The following NRDC variants were observed in gnomAD, a reference collection of about 807,000 sequenced individuals.
NRDC encodes nardilysin convertase.
Under a neutral mutation model 147.1 loss-of-function variants are expected in NRDC, and 54 were observed. That is an observed-to-expected ratio of 0.37 (90% CI 0.29 to 0.46). The LOEUF is 0.46. Among genes scored for constraint, NRDC ranks in the 20% least tolerant of loss-of-function variants. NRDC has a pLI of 1.00. For synonymous variants in NRDC, 440 were observed against 482.1 expected, an observed-to-expected ratio of 0.91 and a Z score of 1.14; for missense variants, 1,082 against 1,370.6, an observed-to-expected ratio of 0.79 and a Z score of 3.33.
chr1:51,813,509 C>A (rs1184858329), intron 14 of NRDC, among the ~76,000 whole-genome samples: 1 of 152,150 alleles, frequency 6.6e-6, no homozygotes, highest in African/African-American at 2.4e-5. Context: ...ACTGCCCAGT[C>A]CTTTACTAGA....
intron 7 of NRDC, among the ~76,000 whole-genome samples, chr1:51,822,465 C>G (rs527794511): frequency 2.0e-5 from 3 of 152,142 alleles, no homozygotes; most frequent in Non-Finnish European, 4.4e-5. Flanking sequence ...CACCTGAGCC[C>G]AGGCATTTGA....
At chr1:51,877,392 G>A (rs1350143227) in intron 1 of NRDC, among the ~76,000 whole-genome samples, 1 of 151,970 alleles carries the variant, frequency 6.6e-6, no homozygotes, top group East Asian at 1.9e-4. Flanking sequence ...CTGGCACAGT[G>A]GCTCACGCCT....
chr1:51,837,445 C>G, intron 2 of NRDC: 1 of 1,465,720 alleles, frequency 6.8e-7, no homozygotes. Flanking sequence ...TTCTTCAAAC[C>G]ACAATCTAAC....
chr1:51,820,819 T>A (rs980652441), intron 8 of NRDC, among the ~76,000 whole-genome samples: 2 of 152,176 alleles, frequency 1.3e-5, no homozygotes, highest in Non-Finnish European at 2.9e-5. Flanking sequence ...TTTGTTAAAA[T>A]GCAAACTACT....
intron 8 of NRDC, among the ~76,000 whole-genome samples, chr1:51,820,775 T>A (rs1394445676): frequency 6.6e-6 from 1 of 152,150 alleles, no homozygotes; most frequent in Admixed American, 6.5e-5. Context: ...AGGTTACCCA[T>A]CTGATGCAAG....
intron 17 of NRDC, among the ~76,000 whole-genome samples, chr1:51,807,914 T>G (rs961008889): frequency 5.3e-5 from 8 of 151,572 alleles, no homozygotes; most frequent in Non-Finnish European, 1.2e-4. Flanking sequence ...CAAGTGATTC[T>G]CCTGCCTTAG....
At chr1:51,832,108 A>G (rs574355086) in intron 4 of NRDC, among the ~76,000 whole-genome samples, 2 of 151,076 alleles carry the variant, frequency 1.3e-5, no homozygotes, top group African/African-American at 4.9e-5. Flanking sequence ...GTGCTATGGC[A>G]TGATCTCAGC....
chr1:51,836,943 A>T, intron 2 of NRDC, among the ~76,000 whole-genome samples: 1 of 134,814 alleles, frequency 7.4e-6, no homozygotes, highest in African/African-American at 2.8e-5. Flanking sequence ...AATGATTGGG[A>T]CTTTTTTTTT....
Position 51,827,888 on chromosome 1 carries a change from T to C in NRDC, c.867-19A>G. 5 of 1,608,234 alleles carry C rather than the reference T, an allele frequency of 3.1e-6. No individual in the cohort carries two copies. The highest frequency in any genetic ancestry group is 4.3e-6 in the Non-Finnish European group (5 of 1,175,108). On this transcript the variant is annotated intron_variant, in intron 4 of 30. Transcript: ENST00000352171. The stretch of plus-strand genomic sequence containing the variant: ...CGCCCATCTGAACAAAAAACAAAAC[T>C]GGCATTTCCGTTTTTGTTCACTTTC...
intron 17 of NRDC, among the ~76,000 whole-genome samples, chr1:51,808,143 G>A (rs1338360320): frequency 6.6e-6 from 1 of 151,838 alleles, no homozygotes; most frequent in Admixed American, 6.6e-5. Flanking sequence ...CTAATGAAAG[G>A]GAGATTCACA....
At chr1:51,806,428 A>G (rs560396426) in intron 18 of NRDC, among the ~76,000 whole-genome samples, 8 of 152,348 alleles carry the variant, frequency 5.3e-5, no homozygotes, top group African/African-American at 1.9e-4. Context: ...ATTTCATTCT[A>G]GCCTTAAATT....
chr1:51,792,251 A>C (rs1276524209), intron 25 of NRDC, 126 bp downstream of exon 25: 1 of 1,324,336 alleles, frequency 7.6e-7, no homozygotes, highest in Non-Finnish European at 1.1e-6. Flanking sequence ...AGAACAGTAA[A>C]TGACCATCTC....
chr1:51,826,781 C>G (rs1031901021), intron 5 of NRDC, among the ~76,000 whole-genome samples: 1 of 152,092 alleles, frequency 6.6e-6, no homozygotes, highest in Non-Finnish European at 1.5e-5. Context: ...ATATTTCTTT[C>G]AGCATAATTT....
intron 1 of NRDC, among the ~76,000 whole-genome samples, chr1:51,864,797 C>T (rs1036981345): frequency 6.6e-6 from 1 of 151,790 alleles, no homozygotes; most frequent in Non-Finnish European, 1.5e-5. Flanking sequence ...GCTAAAAATA[C>T]AAAAATTAGC....
intron 1 of NRDC, among the ~76,000 whole-genome samples, chr1:51,867,938 A>G (rs1001226892): frequency 1.3e-5 from 2 of 152,244 alleles, no homozygotes; most frequent in African/African-American, 4.8e-5. Context: ...GGAAACAATT[A>G]CAGCATATTT....
At position 51,864,488 on chromosome 1, in the gene NRDC, A is replaced by T. The variant is rs1315835321; in HGVS notation, c.341+13787T>A. On this transcript the variant is annotated intron_variant, in intron 1 of 30. Coordinates refer to ENST00000352171, the MANE Select transcript of NRDC (RefSeq NM_001101662.2). ...TTGCAGAAATTTGTTTTCTTTTTTG[A>T]TATACAAGTACTTACTTAATATCCT... is the stretch of plus-strand genomic sequence containing the variant. Among the ~76,000 whole-genome samples, 3 of 152,182 alleles carry T rather than the reference A, an allele frequency of 2.0e-5. No individual in the cohort carries two copies. The East Asian group carries it at 5.8e-4, about 29-fold the overall frequency.
At chr1:51,797,042 T>C (rs1678959736) in intron 22 of NRDC, among the ~76,000 whole-genome samples, 1 of 151,474 alleles carries the variant, frequency 6.6e-6, no homozygotes, top group Non-Finnish European at 1.5e-5. Flanking sequence ...CTGCTAAAAA[T>C]ACAAAAAATT....
intron 1 of NRDC, among the ~76,000 whole-genome samples, chr1:51,856,361 G>A (rs1030640600): frequency 6.6e-6 from 1 of 152,148 alleles, no homozygotes; most frequent in Non-Finnish European, 1.5e-5. Flanking sequence ...CCCCCAGGAT[G>A]AGGGCTCAGT....
At chr1:51,808,380 T>G (rs1236899272) in intron 17 of NRDC, among the ~76,000 whole-genome samples, 1 of 152,230 alleles carries the variant, frequency 6.6e-6, no homozygotes, top group Admixed American at 6.5e-5. Flanking sequence ...TTCGTATACA[T>G]GGACTTATCT....
Sources: allele counts gnomAD v4.1 joint callset (sites outside exome capture counted in the v4.1 genomes callset), GRCh38; gene constraint gnomAD v4.1.1; transcripts MANE v1.5; gene names NCBI Gene and HGNC (gene_info 2026-07-23, HGNC 2026-07-21).